NEXMIF: variants seen among roughly 807,000 people sequenced by gnomAD.
The protein encoded by NEXMIF is XLMR protein related to neurite extension.
A neutral mutation model predicts 62.1 loss-of-function variants in NEXMIF; 8 were observed. The ratio of observed to expected loss-of-function variants is 0.13; its 90% confidence interval spans 0.08 to 0.23. NEXMIF has a LOEUF of 0.23. NEXMIF is among the 10% of genes least tolerant of loss of function. The pLI, the probability that NEXMIF is intolerant of heterozygous loss-of-function variation, is 1.00. For missense variants in NEXMIF, 976 were observed against 1,113.3 expected (o/e 0.88, Z 1.75); for synonymous variants, 404 against 416.6 (o/e 0.97, Z 0.37).
At chrX:74,756,485 C>T (rs1262189514) in intron 1 of NEXMIF, among the ~76,000 whole-genome samples, 1 of 110,994 alleles carries the variant, frequency 9.0e-6, no homozygotes, top group African/African-American at 3.3e-5. Context: ...AGCATTTTCT[C>T]ATATTCCTTT....
At chrX:74,789,937 C>T (rs1271748006) in intron 1 of NEXMIF, among the ~76,000 whole-genome samples, 32 of 105,660 alleles carry the variant, frequency 3.0e-4, no homozygotes, top group East Asian at 3.0e-4. Context: ...CCTGTTCACT[C>T]TGATGGTAGT....
At chrX:74,832,246 C>A (rs1226825763) in intron 1 of NEXMIF, among the ~76,000 whole-genome samples, 1 of 111,609 alleles carries the variant, frequency 9.0e-6, no homozygotes, top group Non-Finnish European at 1.9e-5. Context: ...CTTTTCTTTA[C>A]TAAGAGACTT....
At chrX:74,913,753 T>A (rs2080798261) in intron 1 of NEXMIF, among the ~76,000 whole-genome samples, 1 of 112,095 alleles carries the variant, frequency 8.9e-6, no homozygotes, top group African/African-American at 3.2e-5. Flanking sequence ...TGGCACATTT[T>A]TCAAATGCTT....
Position 74,734,585 on chromosome X carries a change from A to G in NEXMIF, c.*4820T>C, listed in dbSNP as rs1466922314. 1 of 112,238 alleles carries G rather than the reference A, an allele frequency of 8.9e-6. No individual in the cohort carries two copies. Among genetic ancestry groups the G allele is most frequent in the African/African-American group, 3.2e-5 (1 of 30,838 alleles). The allele number at this position is 112,238 out of a possible 1,213,427, so 9.2% of individuals were successfully genotyped here. ...ACCCCTGAGCTTGTTAGATGGACAG[A>G]CATCCTTTCCATCTTATGTGGATGA... On this transcript the variant is annotated 3_prime_UTR_variant, in exon 4 of 4. Transcript: ENST00000055682.
chrX:74,860,181 A>T (rs2080551977), intron 1 of NEXMIF, among the ~76,000 whole-genome samples: 1 of 111,887 alleles, frequency 8.9e-6, no homozygotes, highest in Admixed American at 9.5e-5. Context: ...TAAAATGATA[A>T]AGGGTTAATT....
At chrX:74,789,962 A>G (rs1234878738) in intron 1 of NEXMIF, among the ~76,000 whole-genome samples, 3 of 103,100 alleles carry the variant, frequency 2.9e-5, no homozygotes, top group Non-Finnish European at 4.0e-5. Flanking sequence ...TTTGCTGTGC[A>G]GAAGCTCTTT....
chrX:74,791,339 G>T (rs2080281783), intron 1 of NEXMIF, among the ~76,000 whole-genome samples: 1 of 111,655 alleles, frequency 9.0e-6, no homozygotes, highest in African/African-American at 3.3e-5. Context: ...ACTTGATCAT[G>T]CTGGATAAGC....
At chrX:74,803,563 G>A (rs2080336230) in intron 1 of NEXMIF, among the ~76,000 whole-genome samples, 1 of 108,059 alleles carries the variant, frequency 9.3e-6, no homozygotes, top group South Asian at 4.0e-4. Context: ...GCGAGACTCT[G>A]TCTCAAAAAA....
intron 1 of NEXMIF, among the ~76,000 whole-genome samples, chrX:74,886,096 C>G (rs1331689247): frequency 8.9e-6 from 1 of 112,084 alleles, no homozygotes. Context: ...CAAAATTCAA[C>G]AGCCTTTCAT....
intron 1 of NEXMIF, among the ~76,000 whole-genome samples, chrX:74,894,229 C>T (rs768251602): frequency 1.8e-5 from 2 of 110,976 alleles, no homozygotes; most frequent in African/African-American, 3.3e-5. Context: ...GCCTGGCAGG[C>T]GGAGGCTGCA....
At chrX:74,783,405 T>G (rs1212127486) in intron 1 of NEXMIF, among the ~76,000 whole-genome samples, 4 of 111,552 alleles carry the variant, frequency 3.6e-5, no homozygotes, top group African/African-American at 1.3e-4. Context: ...AAAGAAGCAA[T>G]GAGTTCCCTT....
At chrX:74,815,614 T>C (rs1025089937) in intron 1 of NEXMIF, among the ~76,000 whole-genome samples, 2 of 110,209 alleles carry the variant, frequency 1.8e-5, no homozygotes, top group Non-Finnish European at 3.8e-5. Context: ...CCCTAGTATA[T>C]TTTAACATTT....
chrX:74,906,792 G>T (rs1389396226), intron 1 of NEXMIF, among the ~76,000 whole-genome samples: 3 of 110,731 alleles, frequency 2.7e-5, no homozygotes, highest in Non-Finnish European at 5.7e-5. Context: ...TTCCCCTACT[G>T]CCCTCTCCCA....
At chrX:74,868,868 C>G (rs929065599) in intron 1 of NEXMIF, among the ~76,000 whole-genome samples, 1 of 111,013 alleles carries the variant, frequency 9.0e-6, no homozygotes, top group African/African-American at 3.3e-5. Context: ...AGCCAATGAC[C>G]CTGATGGCTT....
intron 3 of NEXMIF, 177 bp downstream of exon 3, chrX:74,739,923 G>A (rs768155616): frequency 2.2e-6 from 1 of 447,883 alleles, no homozygotes; most frequent in East Asian, 3.7e-5. Flanking sequence ...TGGCTTAAAG[G>A]TATAGGGATT....
Position 74,736,340 on chromosome X carries a change from A to T in NEXMIF, c.*3065T>A, listed in dbSNP as rs1362263428. 9.0e-6 allele frequency: 1 copy of T among 111,034 alleles called. No homozygotes were observed. Among genetic ancestry groups the T allele is most frequent in the African/African-American group, 3.3e-5 (1 of 30,554 alleles). The allele number at this position is 111,034 out of a possible 1,213,427, so 9.2% of individuals were successfully genotyped here. A position where few individuals can be genotyped will look rare whatever the true frequency, so the allele number is the denominator to read the frequency against. On this transcript the variant is annotated 3_prime_UTR_variant, in exon 4 of 4. Transcript: ENST00000055682. ...TGGGATATGAGACCATAAAAGAAAA[A>T]TTCTAAGACCAAGGTCTGAGATTAA...
At chrX:74,873,096 C>T (rs1413666459) in intron 1 of NEXMIF, among the ~76,000 whole-genome samples, 3 of 109,930 alleles carry the variant, frequency 2.7e-5, no homozygotes, top group Non-Finnish European at 3.8e-5. Flanking sequence ...CCCACTAACT[C>T]GTCATCTAGC....
chrX:74,755,139 G>A (rs1207349707), intron 1 of NEXMIF, among the ~76,000 whole-genome samples: 1 of 112,572 alleles, frequency 8.9e-6, no homozygotes, highest in Non-Finnish European at 1.9e-5. Context: ...CTGTGAATCT[G>A]GGGCTTACTT....
intron 1 of NEXMIF, among the ~76,000 whole-genome samples, chrX:74,764,422 A>G (rs1388475497): frequency 1.8e-5 from 2 of 111,590 alleles, no homozygotes; most frequent in Non-Finnish European, 3.8e-5. Flanking sequence ...TATTGGTCTA[A>G]AATACTCTTT....
Sources: allele counts gnomAD v4.1 joint callset (sites outside exome capture counted in the v4.1 genomes callset), GRCh38; gene constraint gnomAD v4.1.1; transcripts MANE v1.5; gene names NCBI Gene and HGNC (gene_info 2026-07-23, HGNC 2026-07-21).